The following POLR3D variants were observed in gnomAD, a reference collection of about 807,000 sequenced individuals.
The protein encoded by POLR3D is RNA polymerase III subunit D.
In POLR3D, 42 loss-of-function variants were observed where a neutral mutation model predicts 44.5. The ratio of observed to expected loss-of-function variants is 0.94; its 90% CI spans 0.74 to 1.22. The LOEUF (loss-of-function observed/expected upper bound fraction) is 1.22. Ranked by LOEUF, POLR3D falls within the 50% of genes most tolerant of loss-of-function variation. The probability of loss-of-function intolerance (pLI) is 0.00; values close to 1 mark genes in which losing one functional copy is unlikely to be tolerated. For missense variants in POLR3D, 507 were observed against 505.2 expected (o/e 1.00, Z -0.03); for synonymous variants, 217 against 198.1 (o/e 1.10, Z -0.80).
chr8:22,249,307 C>G lies in POLR3D; in HGVS notation c.919C>G (p.Arg307Gly), dbSNP rs1420538759. 2 of 1,613,260 alleles carry G rather than the reference C, an allele frequency of 1.2e-6. No individual in the cohort carries two copies. Among genetic ancestry groups the G allele is most frequent in the Admixed American group, 1.7e-5 (1 of 59,962 alleles). ...GGTGCTCATCAAGCAGGAGAAAGAC[C>G]GAGTACGCTCAGACAGAGGCCTGCG... Reference protein sequence around the residue: ...QVVLIKQEKDREAKLAENACT... With the variant: ...QVVLIKQEKDGEAKLAENACT... Residue 307 changes from arginine (R) to glycine (G), a missense_variant and splice_region_variant, in exon 7 of 9, where the codon CGA (arginine) becomes GGA (glycine). Transcript: ENST00000306433.
In POLR3D at chr8:22,249,988, C is replaced by T. The variant is rs529511713; in HGVS notation, c.922-87C>T. On this transcript the variant is annotated intron_variant, in intron 7 of 8. Coordinates refer to ENST00000306433, the MANE Select transcript of POLR3D (RefSeq NM_001722.3). ...GGAGCTCATTTTGACCTTTGCTGTG[C>T]CTTTCTCTTGGGGAGTAGAAGGGGG... 4 of 1,477,576 alleles carry T rather than the reference C, an allele frequency of 2.7e-6. No homozygotes were observed. The Admixed American group carries it at 5.4e-5, about 20-fold the overall frequency. The allele number at this position is 1,477,576 out of a possible 1,614,324, so 91.5% of individuals were successfully genotyped here.
chr8:22,247,114 C>A, intron 2 of POLR3D, 107 bp from the exon 3 acceptor site: 1 of 745,490 alleles, frequency 1.3e-6, no homozygotes, highest in Non-Finnish European at 2.4e-6. Flanking sequence ...CCAACGAGAG[C>A]CGTGGTGGCC....
Position 22,249,260 on chromosome 8 carries a change from T to G in POLR3D, c.872T>G (p.Val291Gly), listed in dbSNP as rs1378739148. The change falls in exon 7 of 9, where the codon GTG (valine) becomes GGG (glycine). Residue 291 changes from valine (V) to glycine (G), a missense_variant. Physicochemically the swap from Val to Gly is moderately radical, Grantham distance 109. Transcript: ENST00000306433. The stretch of plus-strand genomic sequence containing the variant: ...GACATCAAGCCTATCAAGACAGAGG[T>G]GCAGGGCGAGGACGGACAGGTGGTG... Reference protein sequence around the residue: ...TQDIKPIKTEVQGEDGQVVLI... With the variant: ...TQDIKPIKTEGQGEDGQVVLI... The G allele has an allele frequency of 6.2e-7, 1 of 1,613,690 alleles. No individual in the cohort carries two copies. The highest frequency in any genetic ancestry group is 1.3e-5 in the African/African-American group (1 of 74,794).
chr8:22,250,560 C>T lies in POLR3D; in HGVS notation c.*42C>T. On this transcript the variant is annotated 3_prime_UTR_variant, in exon 9 of 9. Transcript: ENST00000306433. ...AGGACGGCGCCTGTGCCCACGGCTG[C>T]TGCCTGCTCCAGACATTTTGTTCTT... 6.2e-7 allele frequency: 1 copy of T among 1,612,676 alleles called. No individual in the cohort carries two copies. Among genetic ancestry groups the T allele is most frequent in the Non-Finnish European group, 8.5e-7 (1 of 1,179,206 alleles).
intron 6 of POLR3D, 138 bp from the exon 7 acceptor site, chr8:22,248,906 G>T: frequency 3.1e-6 from 3 of 976,666 alleles, no homozygotes; most frequent in South Asian, 3.1e-5. Flanking sequence ...GTTGTCTCTT[G>T]CCCCTCTGTA....
Position 22,251,697 on chromosome 8 carries a change from C to T in POLR3D, c.*1179C>T, listed in dbSNP as rs996008674. 2.0e-5 allele frequency: 3 copies of T among 152,664 alleles called. No homozygotes were observed. The highest frequency in any genetic ancestry group is 2.9e-5 in the Non-Finnish European group (2 of 68,052). 9.5% of individuals were successfully genotyped at this position (152,664 alleles called of 1,614,324 possible). On this transcript the variant is annotated 3_prime_UTR_variant, in exon 9 of 9. Coordinates refer to ENST00000306433, the MANE Select transcript of POLR3D (RefSeq NM_001722.3). ...GTGTTACTTTTTTGGGTCTGTGATC[C>T]TGTTCCCTTTACCAGGTCATTGTAC...
intron 3 of POLR3D, 146 bp from the exon 4 acceptor site, chr8:22,247,711 A>G (rs1830056912): frequency 1.4e-6 from 1 of 701,224 alleles, no homozygotes; most frequent in Non-Finnish European, 2.3e-6. Flanking sequence ...GAAAAGTGCT[A>G]GAATTAGGAT....
intron 5 of POLR3D, 28 bp downstream of exon 5, chr8:22,248,306 G>A (rs1416450197): frequency 2.5e-6 from 4 of 1,609,868 alleles, no homozygotes; most frequent in Non-Finnish European, 1.7e-6. Flanking sequence ...GGGGGAAGGG[G>A]TTTCCTTGTG....
rs554801170 is a variant in POLR3D at position 22,248,496 on chromosome 8, G to A, written c.502G>A (p.Gly168Ser). 3.1e-6 allele frequency: 5 copies of A among 1,614,068 alleles called. No homozygotes were observed. The highest frequency in any genetic ancestry group is 2.2e-5 in the East Asian group (1 of 44,880). ...TCTTTGGCAGTTCCTCGATGACCCC[G>A]GCCTGAGGAACGACACTCGAAATAT... ...LEKDDFLDDP[G>S]LRNDTRNMPV... Residue 168 changes from glycine to serine, a missense_variant, in exon 6 of 9, where the codon GGC (glycine) becomes AGC (serine). Physicochemically the swap from Gly to Ser is moderately conservative, Grantham distance 56. Transcript: ENST00000306433.
chr8:22,254,414 T>C lies in POLR3D; in HGVS notation c.*3896T>C, dbSNP rs1156495916. On this transcript the variant is annotated 3_prime_UTR_variant, in exon 9 of 9. Transcript: ENST00000306433. ...GTTCCCAGCTACTCTGGAGCTGAGG[T>C]GGGAGGATCACTTGAGCCCAGGAGT... The C allele has an allele frequency of 6.6e-6, 1 of 152,154 alleles. No individual in the cohort carries two copies. The highest frequency in any genetic ancestry group is 1.5e-5 in the Non-Finnish European group (1 of 68,030). 9.4% of individuals were successfully genotyped at this position (152,154 alleles called of 1,614,324 possible).
At chr8:22,246,413 A>G (rs1830043636) in intron 2 of POLR3D, among the ~76,000 whole-genome samples, 1 of 151,598 alleles carries the variant, frequency 6.6e-6, no homozygotes, top group South Asian at 2.1e-4. Flanking sequence ...TACAGGTGTG[A>G]GCCACCGCTC....
chr8:22,248,315 T>G (rs1830064216), intron 5 of POLR3D, 37 bp downstream of exon 5: 3 of 1,607,528 alleles, frequency 1.9e-6, no homozygotes, highest in South Asian at 2.2e-5. Context: ...GGTTTCCTTG[T>G]GGCTGTAGAA....
At chr8:22,249,661 C>T (rs1159154741) in intron 7 of POLR3D, among the ~76,000 whole-genome samples, 2 of 152,118 alleles carry the variant, frequency 1.3e-5, no homozygotes, top group African/African-American at 4.8e-5. Flanking sequence ...GACACCATGG[C>T]TAATACAAAA....
chr8:22,245,250 T>A, intron 1 of POLR3D, 67 bp downstream of exon 1: 6 of 541,548 alleles, frequency 1.1e-5, no homozygotes, highest in Non-Finnish European at 1.7e-5. Context: ...CTGGGCGGGG[T>A]TCCTGGAGAG....
chr8:22,249,112 A>G lies in POLR3D; in HGVS notation c.724A>G (p.Thr242Ala). Residue 242 changes from threonine (T) to alanine (A), a missense_variant, in exon 7 of 9, where the codon ACT (threonine) becomes GCT (alanine). Coordinates refer to ENST00000306433, the MANE Select transcript of POLR3D (RefSeq NM_001722.3). ...GGCTCCTCCCAAAGCAGCCAGGAAG[A>G]CTCCAGGCCTCCCGAAGGATGTATC... is the stretch of plus-strand genomic sequence containing the variant. Reference protein sequence around the residue: ...MKAPPKAARKTPGLPKDVSVA... With the variant: ...MKAPPKAARKAPGLPKDVSVA... 6.2e-7 allele frequency: 1 copy of G among 1,613,654 alleles called. No homozygotes were observed. Among genetic ancestry groups the G allele is most frequent in the Non-Finnish European group, 8.5e-7 (1 of 1,179,868 alleles).
chr8:22,253,349 TTATA>T lies in POLR3D; in HGVS notation c.*2832_*2835del. 6.6e-6 allele frequency: 1 copy of T among 152,334 alleles called. No homozygotes were observed. Among genetic ancestry groups the T allele is most frequent in the South Asian group, 2.1e-4 (1 of 4,822 alleles). 9.4% of individuals were successfully genotyped at this position (152,334 alleles called of 1,614,324 possible). ...CTCCAGCAACCTCCCCCCTGTCTCT[TTATA>T]GAGTGGGGCCACGTGCCCACTCTTG... On this transcript the variant is annotated 3_prime_UTR_variant, in exon 9 of 9. Transcript: ENST00000306433.
At chr8:22,249,376 G>A (rs200948391) in intron 7 of POLR3D, 67 bp downstream of exon 7, 3 of 1,547,548 alleles carry the variant, frequency 1.9e-6, no homozygotes, top group African/African-American at 2.7e-5. Context: ...GACCTGTAGT[G>A]GGAAGCAAAG....
Position 22,250,526 on chromosome 8 carries a change from A to G in POLR3D, c.*8A>G, listed in dbSNP as rs202087497. The G allele has an allele frequency of 5.0e-6, 8 of 1,614,016 alleles. No homozygotes were observed. In the African/African-American group the frequency reaches 8.0e-5, roughly 16 times the overall value. On this transcript the variant is annotated 3_prime_UTR_variant, in exon 9 of 9. Transcript: ENST00000306433. The stretch of plus-strand genomic sequence containing the variant: ...GATCACAAACACCGGTAAAATGAGC[A>G]GGTGGAGGAGGACGGCGCCTGTGCC...
rs914484170 is a variant in POLR3D, at chr8:22,252,389, T to A, written c.*1871T>A. 1 of 153,034 alleles carries A rather than the reference T, an allele frequency of 6.5e-6. No individual in the cohort carries two copies. The highest frequency in any genetic ancestry group is 6.5e-5 in the Admixed American group (1 of 15,282). The allele number at this position is 153,034 out of a possible 1,614,324, so 9.5% of individuals were successfully genotyped here. A position where few individuals can be genotyped will look rare whatever the true frequency, so the allele number is the denominator to read the frequency against. On this transcript the variant is annotated 3_prime_UTR_variant, in exon 9 of 9. Transcript: ENST00000306433. ...GGTTCAGAAATACTCTTCTGCTTTT[T>A]TTGGACGAACTCAATGGCCCGATGT...
Sources: gnomAD v4.1 joint callset for allele counts (sites outside exome capture counted in the v4.1 genomes callset) on GRCh38, gnomAD v4.1.1 for gene constraint, MANE v1.5 for transcripts, NCBI Gene and HGNC (gene_info 2026-07-23, HGNC 2026-07-21) for gene names.